Variants in COL13A1 observed in about 807,000 individuals in gnomAD.
The protein encoded by COL13A1 is collagen alpha-1(XIII) chain.
COL13A1 carries 89 observed loss-of-function variants against 130.9 expected under a neutral mutation model. That is an observed-to-expected ratio of 0.68 (90% confidence interval 0.57 to 0.81). The LOEUF (loss-of-function observed/expected upper bound fraction) is 0.81, where lower values mean the gene tolerates loss of function less well. COL13A1 is among the 30% of genes least tolerant of loss of function. The pLI is 0.00. For missense variants in COL13A1, 879 were observed against 934.6 expected (o/e 0.94, Z 0.78); for synonymous variants, 402 against 341.6 (o/e 1.18, Z -1.95).
At chr10:69,828,769 A>G (rs539761815) in intron 2 of COL13A1, among the ~76,000 whole-genome samples, 1 of 152,172 alleles carries the variant, frequency 6.6e-6, no homozygotes, top group Non-Finnish European at 1.5e-5. Context: ...TGTATGCTCG[A>G]TGTACAATCC....
chr10:69,831,728 G>A (rs941191982), intron 2 of COL13A1, among the ~76,000 whole-genome samples: 3 of 152,208 alleles, frequency 2.0e-5, no homozygotes, highest in Non-Finnish European at 4.4e-5. Context: ...TCTGCAGGAA[G>A]GAGCAATGGA....
intron 27 of COL13A1, among the ~76,000 whole-genome samples, 189 bp from the exon 28 acceptor site, chr10:69,928,748 T>G (rs147326567): frequency 1.5e-3 from 224 of 152,354 alleles, no homozygotes; most frequent in African/African-American, 5.0e-3. Flanking sequence ...CCAGTCACAC[T>G]TGGTGCTTAT....
intron 2 of COL13A1, among the ~76,000 whole-genome samples, chr10:69,841,312 A>T (rs73267745): frequency 0.15 from 22,105 of 152,124 alleles, 1,666 homozygotes; most frequent in South Asian, 0.16. Flanking sequence ...CACTGCCGAA[A>T]GCTTCCTTAG....
At chr10:69,929,095 ACCACCATACCCT>A in intron 28 of COL13A1, 96 bp downstream of exon 28, 1 of 939,370 alleles carries the variant, frequency 1.1e-6, no homozygotes, top group East Asian at 2.7e-5. Context: ...TCCCAGCACT[ACCACCATACCCT>A]CCTGCTGCTC....
chr10:69,940,263 C>A (rs1360315629), intron 34 of COL13A1, among the ~76,000 whole-genome samples: 1 of 152,120 alleles, frequency 6.6e-6, no homozygotes, highest in Non-Finnish European at 1.5e-5. Context: ...GGCCTTAGAC[C>A]TCTGTCCCAG....
chr10:69,880,953 A>T (rs1189611562), intron 7 of COL13A1, among the ~76,000 whole-genome samples: 1 of 152,226 alleles, frequency 6.6e-6, no homozygotes, highest in East Asian at 1.9e-4. Flanking sequence ...TCACTGACCC[A>T]GGCACGCACT....
In COL13A1 at chr10:69,942,496, G is replaced by A. The variant is rs74822709; in HGVS notation, c.1914+1473G>A. On this transcript the variant is annotated intron_variant, in intron 35 of 40. Transcript: ENST00000645393. Reference sequence around the variant, plus strand: ...GCTTCTCCCTTTTATGTTAGACCGAGGGAAGCAGTACAAATTCATACACTC... The same window carrying A: ...GCTTCTCCCTTTTATGTTAGACCGAAGGAAGCAGTACAAATTCATACACTC... 8.1e-3 allele frequency among the ~76,000 whole-genome samples: 1,231 copies of A among 152,210 alleles called. 15 individuals are homozygous for A. The highest frequency in any genetic ancestry group is 0.041 in the East Asian group (214 of 5,184).
At chr10:69,955,451 C>A (rs10999054) in intron 39 of COL13A1, 6,706 of 152,774 alleles carry the variant, frequency 0.044, 203 homozygotes, top group South Asian at 0.13. Flanking sequence ...AATCTGGGCA[C>A]CTTTAGTTCT....
intron 26 of COL13A1, 125 bp from the exon 27 acceptor site, chr10:69,926,962 G>A: frequency 7.6e-7 from 1 of 1,317,112 alleles, no homozygotes; most frequent in Non-Finnish European, 1.1e-6. Flanking sequence ...CCACCTGCAA[G>A]CGTCTCCCTC....
chr10:69,876,632 C>T (rs751844446), intron 5 of COL13A1, among the ~76,000 whole-genome samples: 19 of 152,190 alleles, frequency 1.2e-4, no homozygotes, highest in Non-Finnish European at 2.4e-4. Context: ...CCTCCCAAGC[C>T]GTCACAGGCT....
At chr10:69,868,636 C>CA (rs1482465097) in intron 3 of COL13A1, among the ~76,000 whole-genome samples, 1 of 152,216 alleles carries the variant, frequency 6.6e-6, no homozygotes, top group Admixed American at 6.5e-5. Flanking sequence ...ACCCTATCAT[C>CA]ATCCCTTCCT....
intron 2 of COL13A1, among the ~76,000 whole-genome samples, chr10:69,825,071 C>A (rs1227768): frequency 6.6e-6 from 1 of 152,048 alleles, no homozygotes; most frequent in African/African-American, 2.4e-5. Flanking sequence ...GCAAACCCAA[C>A]CTATTATAAA....
intron 1 of COL13A1, among the ~76,000 whole-genome samples, chr10:69,809,312 C>A (rs1284250048): frequency 1.3e-5 from 2 of 152,204 alleles, no homozygotes; most frequent in Non-Finnish European, 2.9e-5. Flanking sequence ...TATGGGGCTT[C>A]ATGCACCTTG....
rs1308510835 is a variant in COL13A1 at position 69,802,314 on chromosome 10, C to T, written c.-110C>T. The T allele has an allele frequency of 1.7e-6, 2 of 1,210,822 alleles. No individual in the cohort carries two copies. The highest frequency in any genetic ancestry group is 3.2e-5 in the East Asian group (1 of 31,630). 75.0% of individuals were successfully genotyped at this position (1,210,822 alleles called of 1,614,324 possible). A position where few individuals can be genotyped will look rare whatever the true frequency, so the allele number is the denominator to read the frequency against. ...AGCAGCGGAAAGGGACGTTTTCCAG[C>T]GATACAAGCCCTTTCCCCCTGCCCC... On this transcript the variant is annotated 5_prime_UTR_variant, in exon 1 of 41. Coordinates refer to ENST00000645393, the MANE Select transcript of COL13A1 (RefSeq NM_001368882.1).
chr10:69,835,061 C>T (rs1191753534), intron 2 of COL13A1, among the ~76,000 whole-genome samples: 1 of 152,146 alleles, frequency 6.6e-6, no homozygotes, highest in African/African-American at 2.4e-5. Context: ...CCAGGACATG[C>T]CCAGAGCCCA....
chr10:69,826,629 G>A (rs1180773899), intron 2 of COL13A1, among the ~76,000 whole-genome samples: 2 of 152,206 alleles, frequency 1.3e-5, no homozygotes, highest in Non-Finnish European at 2.9e-5. Flanking sequence ...AGAGGCCTTG[G>A]AGGTTGTTCA....
In COL13A1 at chr10:69,802,715, G is replaced by C. The variant is rs201112703; in HGVS notation, c.292G>C (p.Glu98Gln). 1.2e-6 allele frequency: 2 copies of C among 1,611,502 alleles called. No individual in the cohort carries two copies. The highest frequency in any genetic ancestry group is 1.1e-5 in the South Asian group (1 of 91,002). Residue 98 changes from glutamate to glutamine, a missense_variant and splice_region_variant, in exon 1 of 41, where the codon GAG (glutamate) becomes CAG (glutamine). Glu to Gln is a conservative substitution (Grantham distance 29). Coordinates refer to ENST00000645393, the MANE Select transcript of COL13A1 (RefSeq NM_001368882.1). ...GGGACGAGTCAATCAACTGCTGGAC[G>C]AGGTCTGTGCTCTTTGTTGCTGGCT... ...ILGRVNQLLD[E>Q]KWKLHSRRRR...
At chr10:69,957,712 A>G (rs894658264) in intron 40 of COL13A1, among the ~76,000 whole-genome samples, 1 of 152,176 alleles carries the variant, frequency 6.6e-6, no homozygotes, top group Non-Finnish European at 1.5e-5. Context: ...AGGGCTGCCC[A>G]GGCAGACAGA....
chr10:69,944,255 C>G, intron 36 of COL13A1, 77 bp downstream of exon 36: 1 of 1,204,182 alleles, frequency 8.3e-7, no homozygotes, highest in Non-Finnish European at 1.2e-6. Context: ...GGGGTCTCAG[C>G]CCTCATGCCT....
Sources: gnomAD v4.1 joint callset for allele counts (sites outside exome capture counted in the v4.1 genomes callset) on GRCh38, gnomAD v4.1.1 for gene constraint, MANE v1.5 for transcripts, NCBI Gene and HGNC (gene_info 2026-07-23, HGNC 2026-07-21) for gene names.